The following CACNA2D3 variants were observed in gnomAD, a reference collection of about 807,000 sequenced individuals.
CACNA2D3 encodes the protein calcium voltage-gated channel auxiliary subunit alpha2delta 3.
Under a neutral mutation model 160.6 loss-of-function variants are expected in CACNA2D3, and 60 were observed. The observed-to-expected ratio is 0.37, with a 90% confidence interval of 0.30 to 0.46. The LOEUF is 0.46. CACNA2D3 is among the 20% of genes least tolerant of loss of function. The pLI, the probability that CACNA2D3 is intolerant of heterozygous loss-of-function variation, is 1.00. For synonymous variants in CACNA2D3, 558 were observed against 492.9 expected (o/e 1.13, Z -1.75); for missense variants, 1,205 against 1,365.0 (o/e 0.88, Z 1.85).
intron 13 of CACNA2D3, among the ~76,000 whole-genome samples, chr3:54,790,589 C>T (rs887504181): frequency 2.6e-5 from 4 of 152,246 alleles, no homozygotes; most frequent in Admixed American, 6.5e-5. Flanking sequence ...TCTAGGTGCT[C>T]GGAATTCCTG....
At chr3:54,356,125 A>G (rs920984766) in intron 3 of CACNA2D3, among the ~76,000 whole-genome samples, 6 of 152,124 alleles carry the variant, frequency 3.9e-5, no homozygotes, top group East Asian at 1.9e-4. Flanking sequence ...GGGCGGGGAC[A>G]TTGGGAGCAG....
intron 10 of CACNA2D3, chr3:54,638,645 G>T (rs1010181396): frequency 2.0e-5 from 3 of 151,732 alleles, no homozygotes; most frequent in East Asian, 3.9e-4. Flanking sequence ...AAAGAAGGAA[G>T]ATTTGGGACG....
At chr3:54,755,815 A>C (rs1418819893) in intron 12 of CACNA2D3, among the ~76,000 whole-genome samples, 2 of 151,930 alleles carry the variant, frequency 1.3e-5, no homozygotes, top group Non-Finnish European at 2.9e-5. Context: ...TCCATTTTTT[A>C]ATTTTTTTTA....
intron 11 of CACNA2D3, among the ~76,000 whole-genome samples, chr3:54,735,468 T>C (rs145585680): frequency 6.6e-6 from 1 of 152,350 alleles, no homozygotes; most frequent in African/African-American, 2.4e-5. Flanking sequence ...GACACACAGA[T>C]AAATGAGGAC....
chr3:54,614,904 AT>A (rs1698818975), intron 9 of CACNA2D3, among the ~76,000 whole-genome samples: 1 of 152,218 alleles, frequency 6.6e-6, no homozygotes, highest in Non-Finnish European at 1.5e-5. Context: ...CATATAATAT[AT>A]GTTACAACCC....
At chr3:54,983,008 A>G (rs1207041013) in intron 29 of CACNA2D3, among the ~76,000 whole-genome samples, 1 of 152,160 alleles carries the variant, frequency 6.6e-6, no homozygotes, top group Non-Finnish European at 1.5e-5. Context: ...ACTTTCTGGG[A>G]ATGCAGCCCA....
At chr3:54,488,884 C>T (rs906449446) in intron 4 of CACNA2D3, among the ~76,000 whole-genome samples, 1 of 152,080 alleles carries the variant, frequency 6.6e-6, no homozygotes, top group African/African-American at 2.4e-5. Context: ...GCTCCAAGAT[C>T]CCCAGTCAAG....
intron 4 of CACNA2D3, among the ~76,000 whole-genome samples, chr3:54,454,033 C>T (rs1700354709): frequency 6.6e-6 from 1 of 152,104 alleles, no homozygotes; most frequent in Admixed American, 6.6e-5. Context: ...TGATGTCCTT[C>T]TAATTTGTTA....
chr3:54,619,261 C>G (rs1437475578), intron 9 of CACNA2D3, among the ~76,000 whole-genome samples: 1 of 152,212 alleles, frequency 6.6e-6, no homozygotes, highest in Non-Finnish European at 1.5e-5. Context: ...GCCTTGTTCA[C>G]AGGCATGGTA....
intron 2 of CACNA2D3, among the ~76,000 whole-genome samples, chr3:54,275,158 A>T (rs961420606): frequency 6.6e-6 from 1 of 152,154 alleles, no homozygotes; most frequent in Non-Finnish European, 1.5e-5. Context: ...CTTGTGCCTG[A>T]TGGGCACTCA....
chr3:54,385,347 CAG>C, intron 3 of CACNA2D3, among the ~76,000 whole-genome samples: 1 of 152,240 alleles, frequency 6.6e-6, no homozygotes. Context: ...GAGGCTCAGA[CAG>C]GGGAAGGGTC....
Position 54,689,010 on chromosome 3 carries a change from A to AAAAAAAAG in CACNA2D3, c.1167+46770_1167+46771insAAAAAAGA, listed in dbSNP as rs1553785965. The stretch of plus-strand genomic sequence containing the variant: ...AAAAAAAAAAAAAAAAAAAAAAAAA[A>AAAAAAAAG]AGAATGAGGTTGTATACATAAAGCA... On this transcript the variant is annotated intron_variant, in intron 11 of 37. Transcript: ENST00000474759. Among the ~76,000 whole-genome samples the AAAAAAAAG allele has an allele frequency of 4.7e-5, 4 of 85,496 alleles. 1 individual carries two copies. The highest frequency in any genetic ancestry group is 4.3e-5 in the African/African-American group (1 of 23,016). The allele number at this position is 85,496 out of a possible 152,430, so 56.1% of individuals were successfully genotyped here.
intron 12 of CACNA2D3, among the ~76,000 whole-genome samples, chr3:54,762,552 T>G (rs1385410566): frequency 6.6e-6 from 1 of 152,226 alleles, no homozygotes; most frequent in Non-Finnish European, 1.5e-5. Flanking sequence ...TAATCGCTGC[T>G]TCTTCAATGC....
At chr3:54,409,498 C>G (rs9827785) in intron 4 of CACNA2D3, among the ~76,000 whole-genome samples, 15 of 151,796 alleles carry the variant, frequency 9.9e-5, no homozygotes, top group African/African-American at 3.1e-4. Flanking sequence ...AGTGTTCAAG[C>G]GAAAGGAAGA....
At chr3:54,176,239 C>G (rs1365085682) in intron 2 of CACNA2D3, among the ~76,000 whole-genome samples, 19 of 152,162 alleles carry the variant, frequency 1.2e-4, no homozygotes, top group Admixed American at 1.2e-3. Context: ...AGATTATTGG[C>G]TTTTCTTCTT....
chr3:54,224,397 A>G (rs1047583267), intron 2 of CACNA2D3, among the ~76,000 whole-genome samples: 3 of 152,234 alleles, frequency 2.0e-5, no homozygotes, highest in African/African-American at 4.8e-5. Context: ...TATGTACTGT[A>G]CGTAACTATA....
chr3:54,767,694 CAAT>C (rs927233672), intron 13 of CACNA2D3, among the ~76,000 whole-genome samples: 1 of 151,780 alleles, frequency 6.6e-6, no homozygotes, highest in Non-Finnish European at 1.5e-5. Flanking sequence ...ATGATGATGA[CAAT>C]AATAATAATA....
intron 32 of CACNA2D3, 63 bp from the exon 33 acceptor site, chr3:55,007,726 TA>T: frequency 1.9e-6 from 2 of 1,053,410 alleles, no homozygotes; most frequent in Non-Finnish European, 2.8e-6. Flanking sequence ...TGTAAAGCCC[TA>T]AATTAAGCTA....
intron 4 of CACNA2D3, among the ~76,000 whole-genome samples, chr3:54,391,559 G>A (rs914641192): frequency 6.7e-5 from 10 of 150,036 alleles, no homozygotes; most frequent in South Asian, 2.1e-4. Context: ...CACCCAGACC[G>A]GAGTGCAGTG....
Sources: allele counts gnomAD v4.1 joint callset (sites outside exome capture counted in the v4.1 genomes callset), GRCh38; gene constraint gnomAD v4.1.1; transcripts MANE v1.5; gene names NCBI Gene and HGNC (gene_info 2026-07-23, HGNC 2026-07-21).